VWA3A: variants seen among roughly 807,000 people sequenced by gnomAD.
VWA3A encodes von Willebrand factor A domain-containing protein 3A.
Under a neutral mutation model 160.4 loss-of-function variants are expected in VWA3A, and 134 were observed. That is an observed-to-expected ratio of 0.84 (90% CI 0.73 to 0.96). The LOEUF (loss-of-function observed/expected upper bound fraction) is 0.96, where lower values mean the gene tolerates loss of function less well. Ranked by LOEUF, VWA3A falls within the 40% of genes least tolerant of loss-of-function variation. The pLI is 0.00. For synonymous variants in VWA3A, 476 were observed against 543.4 expected (o/e 0.88, Z 1.72); for missense variants, 1,310 against 1,447.9 (o/e 0.90, Z 1.55).
chr16:22,119,844 C>G (rs2045703679), intron 12 of VWA3A, among the ~76,000 whole-genome samples: 1 of 151,868 alleles, frequency 6.6e-6, no homozygotes, highest in Non-Finnish European at 1.5e-5. Flanking sequence ...ATGGTGAAAC[C>G]TCGTCTCTAC....
chr16:22,145,901 C>A (rs1195545785), intron 26 of VWA3A, among the ~76,000 whole-genome samples: 2 of 152,008 alleles, frequency 1.3e-5, no homozygotes, highest in African/African-American at 4.8e-5. Flanking sequence ...CTCACTGCAG[C>A]CTCTACCTCC....
In VWA3A at chr16:22,154,323, C is replaced by CTTTTTTT. The variant is rs988862954; in HGVS notation, c.3406-1226_3406-1220dup. Among the ~76,000 whole-genome samples, 195 of 73,882 alleles carry CTTTTTTT rather than the reference C, an allele frequency of 2.6e-3. 1 individual carries two copies. Among genetic ancestry groups the CTTTTTTT allele is most frequent in the Non-Finnish European group, 3.5e-3 (152 of 43,060 alleles). The allele number at this position is 73,882 out of a possible 152,430, so 48.5% of individuals were successfully genotyped here. ...GGATGGCTTCCTCTTTTTTCTTTTT[C>CTTTTTTT]TTTTTTTTTTTTTTTTTTTTTTTTG... On this transcript the variant is annotated intron_variant, in intron 31 of 33. Transcript: ENST00000389398.
chr16:22,154,892 T>G (rs1010428854), intron 31 of VWA3A, among the ~76,000 whole-genome samples: 1 of 138,010 alleles, frequency 7.2e-6, no homozygotes, highest in African/African-American at 2.7e-5. Flanking sequence ...AAGCGGAGCT[T>G]GCAGTGAGCC....
intron 29 of VWA3A, 119 bp downstream of exon 29, chr16:22,150,050 T>C: frequency 7.5e-7 from 1 of 1,328,478 alleles, no homozygotes; most frequent in Non-Finnish European, 1.0e-6. Context: ...AAGCACTACA[T>C]CATTTCATCT....
At chr16:22,154,382 G>A (rs1485395053) in intron 31 of VWA3A, among the ~76,000 whole-genome samples, 1 of 131,904 alleles carries the variant, frequency 7.6e-6, no homozygotes, top group Non-Finnish European at 1.5e-5. Flanking sequence ...AGGCTGGAGT[G>A]CAGTGGCATG....
At chr16:22,136,474 A>G (rs1305177483) in intron 21 of VWA3A, among the ~76,000 whole-genome samples, 1 of 152,044 alleles carries the variant, frequency 6.6e-6, no homozygotes, top group East Asian at 1.9e-4. Flanking sequence ...ATGGAGATTT[A>G]GGGCAGTTCA....
chr16:22,096,744 C>T (rs778059204), intron 1 of VWA3A, 115 bp from the exon 2 acceptor site: 20 of 706,560 alleles, frequency 2.8e-5, no homozygotes, highest in African/African-American at 5.5e-5. Flanking sequence ...GACCCTATCT[C>T]AAAAAAAAAT....
chr16:22,142,752 G>C lies in VWA3A; in HGVS notation c.2579G>C (p.Cys860Ser). The C allele has an allele frequency of 6.4e-7, 1 of 1,569,114 alleles. No individual in the cohort carries two copies. Among genetic ancestry groups the C allele is most frequent in the Non-Finnish European group, 8.6e-7 (1 of 1,156,168 alleles). Reference sequence around the variant, plus strand: ...GACTTACCCAGAAAGGATACAGTTTGCTCAAGCCAAGAGGTATTAAGTCAC... The same window carrying C: ...GACTTACCCAGAAAGGATACAGTTTCCTCAAGCCAAGAGGTATTAAGTCAC... ...SIDLPRKDTV[C>S]SSQEWVAKYG... is the part of the protein sequence containing the mutation. Residue 860 changes from cysteine (C) to serine (S), a missense_variant, in exon 25 of 34, where the codon TGC becomes TCC. Transcript: ENST00000389398.
intron 23 of VWA3A, 65 bp from the exon 24 acceptor site, chr16:22,141,517 A>C: frequency 1.4e-6 from 2 of 1,475,312 alleles, no homozygotes; most frequent in Non-Finnish European, 1.9e-6. Context: ...CTCTAAGCCA[A>C]GCTGGACAGC....
intron 12 of VWA3A, 135 bp downstream of exon 12, chr16:22,119,162 C>T: frequency 7.8e-7 from 1 of 1,277,264 alleles, no homozygotes; most frequent in South Asian, 1.6e-5. Context: ...AAGGCAAGGC[C>T]CACCCTCCAT....
intron 17 of VWA3A, among the ~76,000 whole-genome samples, chr16:22,130,247 A>G (rs895745961): frequency 2.6e-5 from 4 of 152,168 alleles, no homozygotes; most frequent in African/African-American, 9.7e-5. Context: ...AAGTGGTGGT[A>G]TACTGTGTTT....
intron 31 of VWA3A, among the ~76,000 whole-genome samples, chr16:22,154,056 C>T (rs1452494129): frequency 1.3e-5 from 2 of 152,032 alleles, no homozygotes; most frequent in African/African-American, 4.8e-5. Flanking sequence ...TCTTTGAAGC[C>T]TGGGTAGCCT....
chr16:22,106,958 G>C (rs914252324), intron 6 of VWA3A, among the ~76,000 whole-genome samples: 12 of 152,182 alleles, frequency 7.9e-5, no homozygotes, highest in Admixed American at 7.2e-4. Flanking sequence ...ACTAAGATGG[G>C]GAAGGCTGAG....
At chr16:22,105,510 G>C (rs2045470706) in intron 6 of VWA3A, among the ~76,000 whole-genome samples, 1 of 152,236 alleles carries the variant, frequency 6.6e-6, no homozygotes, top group South Asian at 2.1e-4. Flanking sequence ...TTATAAACTA[G>C]TGGCATGCAG....
intron 8 of VWA3A, among the ~76,000 whole-genome samples, chr16:22,115,102 C>T (rs931257043): frequency 2.0e-5 from 3 of 151,974 alleles, no homozygotes; most frequent in Non-Finnish European, 2.9e-5. Context: ...CCACCATGCC[C>T]GGCCCTCTAC....
chr16:22,108,459 G>C (rs1567530589), intron 6 of VWA3A, among the ~76,000 whole-genome samples: 1 of 152,114 alleles, frequency 6.6e-6, no homozygotes, highest in Non-Finnish European at 1.5e-5. Flanking sequence ...GCTATGGGCT[G>C]GTAGGTCAGT....
intron 27 of VWA3A, among the ~76,000 whole-genome samples, chr16:22,146,853 G>A (rs1427317968): frequency 1.3e-5 from 2 of 151,850 alleles, no homozygotes; most frequent in South Asian, 2.1e-4. Flanking sequence ...AAGAGCCCCA[G>A]CGGGAGCTCA....
intron 15 of VWA3A, 147 bp from the exon 16 acceptor site, chr16:22,123,466 T>C (rs2045783077): frequency 6.4e-7 from 1 of 1,556,034 alleles, no homozygotes; most frequent in Non-Finnish European, 8.6e-7. Flanking sequence ...AATTTGTTCA[T>C]GATTTAGTGG....
Position 22,126,367 on chromosome 16 carries a change from C to G in VWA3A, c.1652+70C>G. On this transcript the variant is annotated intron_variant, in intron 17 of 33. Transcript: ENST00000389398. Reference sequence around the variant, plus strand: ...TTTGGATGCCGTCATTGGGCTGAGGCTTTGGACGTTGCTGGACGATAGATA... The same window carrying G: ...TTTGGATGCCGTCATTGGGCTGAGGGTTTGGACGTTGCTGGACGATAGATA... 1.9e-6 allele frequency: 3 copies of G among 1,566,344 alleles called. No homozygotes were observed. In the South Asian group the frequency reaches 3.5e-5, roughly 18 times the overall value.
Sources: gnomAD v4.1 joint callset for allele counts (sites outside exome capture counted in the v4.1 genomes callset) on GRCh38, gnomAD v4.1.1 for gene constraint, MANE v1.5 for transcripts, NCBI Gene and HGNC (gene_info 2026-07-23, HGNC 2026-07-21) for gene names.